The following NDN variants were observed in gnomAD, a reference collection of about 807,000 sequenced individuals.
The protein encoded by NDN is necdin.
For synonymous variants in NDN, 245 were observed against 189.4 expected, an observed-to-expected ratio of 1.29 and a Z score of -2.41; for missense variants, 465 against 440.4, an observed-to-expected ratio of 1.06 and a Z score of -0.50.
Position 23,686,461 on chromosome 15 carries a change from C to G in NDN, c.757G>C (p.Val253Leu). 1.9e-6 allele frequency: 3 copies of G among 1,611,938 alleles called. No individual in the cohort carries two copies. Among genetic ancestry groups the G allele is most frequent in the South Asian group, 2.2e-5 (2 of 90,882 alleles). Reference protein sequence around the residue: ...NYLKYQRVPYVEPPEYEFFWG... With the variant: ...NYLKYQRVPYLEPPEYEFFWG... ...AAGAACTCGTATTCGGGCGGCTCCA[C>G]GTATGGGACGCGCTGGTACTTCAGG... is the stretch of plus-strand genomic sequence containing the variant. Residue 253 changes from valine to leucine, a missense_variant, in exon 1 of 1, where the codon GTG (valine) becomes CTG (leucine). Transcript: ENST00000649030.
chr15:23,686,199 C>A lies in NDN; in HGVS notation c.*53G>T. The stretch of plus-strand genomic sequence containing the variant: ...GAATACTATAATGACCCACCCCCAC[C>A]CTTCCACAGCCCTGGTGAGGGTCAG... On this transcript the variant is annotated 3_prime_UTR_variant, in exon 1 of 1. Coordinates refer to ENST00000649030, the MANE Select transcript of NDN (RefSeq NM_002487.3). The A allele has an allele frequency of 6.7e-7, 1 of 1,496,100 alleles. No homozygotes were observed. Among genetic ancestry groups the A allele is most frequent in the Non-Finnish European group, 8.9e-7 (1 of 1,125,490 alleles). The allele number at this position is 1,496,100 out of a possible 1,614,324, so 92.7% of individuals were successfully genotyped here.
Sources: allele counts gnomAD v4.1 joint callset, GRCh38; gene constraint gnomAD v4.1.1; transcripts MANE v1.5; gene names NCBI Gene and HGNC (gene_info 2026-07-23, HGNC 2026-07-21).